LHFPL3: variants seen among roughly 807,000 people sequenced by gnomAD.
LHFPL3 encodes the protein LHFPL tetraspan subfamily member 3.
LHFPL3 carries 5 observed loss-of-function variants against 19.3 expected under a neutral mutation model. The ratio of observed to expected loss-of-function variants is 0.26; its 90% confidence interval spans 0.14 to 0.54. The LOEUF (loss-of-function observed/expected upper bound fraction) is 0.54, where lower values mean the gene tolerates loss of function less well. Ranked by LOEUF, LHFPL3 falls within the 20% of genes least tolerant of loss-of-function variation. The pLI is 0.94. For missense variants in LHFPL3, 249 were observed against 307.4 expected (o/e 0.81, Z 1.42); for synonymous variants, 133 against 126.2 (o/e 1.05, Z -0.36).
At chr7:104,602,351 T>C (rs1790988338) in intron 1 of LHFPL3, among the ~76,000 whole-genome samples, 1 of 152,140 alleles carries the variant, frequency 6.6e-6, no homozygotes, top group Non-Finnish European at 1.5e-5. Flanking sequence ...CAGTTTGTCT[T>C]TGTGAAGGAC....
chr7:104,751,612 C>A (rs959676182), intron 2 of LHFPL3, among the ~76,000 whole-genome samples: 1 of 151,182 alleles, frequency 6.6e-6, no homozygotes, highest in Non-Finnish European at 1.5e-5. Context: ...GTGAGAGAGA[C>A]GATTTTGCCA....
At chr7:104,549,965 T>C (rs1794637684) in intron 1 of LHFPL3, among the ~76,000 whole-genome samples, 1 of 152,128 alleles carries the variant, frequency 6.6e-6, no homozygotes, top group Non-Finnish European at 1.5e-5. Flanking sequence ...CAATAGGATG[T>C]GTGTACAGAG....
intron 1 of LHFPL3, among the ~76,000 whole-genome samples, chr7:104,466,764 A>T (rs1342288433): frequency 6.6e-6 from 1 of 152,244 alleles, no homozygotes; most frequent in Non-Finnish European, 1.5e-5. Flanking sequence ...CTGAAATTGA[A>T]ATCTTCTGGT....
At chr7:104,897,387 T>G (rs1792388434) in intron 2 of LHFPL3, among the ~76,000 whole-genome samples, 1 of 152,218 alleles carries the variant, frequency 6.6e-6, no homozygotes, top group African/African-American at 2.4e-5. Context: ...AGAGGAAGCA[T>G]ACATCATACT....
chr7:104,826,762 G>A (rs1315447661), intron 2 of LHFPL3: 1 of 158,726 alleles, frequency 6.3e-6, no homozygotes, highest in Non-Finnish European at 1.4e-5. Flanking sequence ...CTCAAACCCT[G>A]TGGTTTGAAT....
intron 1 of LHFPL3, among the ~76,000 whole-genome samples, chr7:104,384,206 G>A (rs903115866): frequency 6.6e-6 from 1 of 152,056 alleles, no homozygotes; most frequent in African/African-American, 2.4e-5. Context: ...GTTAGAAAAT[G>A]TTATTAATTC....
intron 1 of LHFPL3, among the ~76,000 whole-genome samples, chr7:104,471,222 T>C (rs761639683): frequency 1.3e-5 from 2 of 152,234 alleles, no homozygotes; most frequent in Non-Finnish European, 2.9e-5. Flanking sequence ...CTAGAAGTCA[T>C]GAATGATACT....
chr7:104,511,330 G>A (rs1793808941), intron 1 of LHFPL3, among the ~76,000 whole-genome samples: 1 of 152,162 alleles, frequency 6.6e-6, no homozygotes, highest in Non-Finnish European at 1.5e-5. Flanking sequence ...GCAAGCAGGT[G>A]GAGAAACTTA....
intron 1 of LHFPL3, among the ~76,000 whole-genome samples, chr7:104,419,288 A>C (rs1430497519): frequency 1.3e-5 from 2 of 152,252 alleles, no homozygotes; most frequent in African/African-American, 2.4e-5. Context: ...TGACAGGTTC[A>C]AAGCATTGCT....
At chr7:104,570,690 T>C (rs952470847) in intron 1 of LHFPL3, among the ~76,000 whole-genome samples, 1 of 152,220 alleles carries the variant, frequency 6.6e-6, no homozygotes, top group African/African-American at 2.4e-5. Flanking sequence ...TTTTCTTTTT[T>C]AACTTTTATT....
intron 1 of LHFPL3, among the ~76,000 whole-genome samples, chr7:104,673,130 G>A (rs1792518553): frequency 1.3e-5 from 2 of 152,120 alleles, no homozygotes; most frequent in Non-Finnish European, 2.9e-5. Context: ...CCTCCTTCAT[G>A]TAGGCTTTAT....
chr7:104,756,033 A>G (rs1314760684), intron 2 of LHFPL3, among the ~76,000 whole-genome samples: 18 of 152,158 alleles, frequency 1.2e-4, no homozygotes, highest in Admixed American at 1.2e-3. Flanking sequence ...AACTAAGGAT[A>G]AATAAGTCTT....
intron 2 of LHFPL3, among the ~76,000 whole-genome samples, chr7:104,893,562 C>A (rs1473956695): frequency 6.6e-6 from 1 of 151,926 alleles, no homozygotes; most frequent in Admixed American, 6.6e-5. Context: ...TAGAAGTAAC[C>A]AAGGTTACTC....
intron 1 of LHFPL3, among the ~76,000 whole-genome samples, chr7:104,479,273 G>C (rs1793083809): frequency 6.6e-6 from 1 of 152,082 alleles, no homozygotes; most frequent in Admixed American, 6.5e-5. Flanking sequence ...TTTTCATCAG[G>C]CATTTAACTC....
chr7:104,486,895 A>G (rs1459978740), intron 1 of LHFPL3, among the ~76,000 whole-genome samples: 2 of 151,184 alleles, frequency 1.3e-5, no homozygotes, highest in East Asian at 3.9e-4. Context: ...TGAATTTTCC[A>G]CTTTTCTTAT....
chr7:104,877,270 G>A (rs955256087), intron 2 of LHFPL3, among the ~76,000 whole-genome samples: 2 of 134,204 alleles, frequency 1.5e-5, no homozygotes, highest in African/African-American at 5.5e-5. Context: ...AGAACTTAAA[G>A]TATAATAAAA....
At chr7:104,724,415 G>C (rs1793551817) in intron 1 of LHFPL3, among the ~76,000 whole-genome samples, 1 of 152,296 alleles carries the variant, frequency 6.6e-6, no homozygotes, top group South Asian at 2.1e-4. Context: ...TAAAACTTCT[G>C]TTATGCAATG....
chr7:104,439,226 T>G (rs1239984787), intron 1 of LHFPL3, among the ~76,000 whole-genome samples: 1 of 152,178 alleles, frequency 6.6e-6, no homozygotes, highest in Non-Finnish European at 1.5e-5. Context: ...ATTACAGTTA[T>G]GAGCCACTGT....
intron 1 of LHFPL3, among the ~76,000 whole-genome samples, chr7:104,463,202 C>A (rs907574106): frequency 6.6e-6 from 1 of 152,254 alleles, no homozygotes; most frequent in African/African-American, 2.4e-5. Flanking sequence ...ATTCATTGAT[C>A]TCTTGAACAG....
Sources: gnomAD v4.1 joint callset for allele counts (sites outside exome capture counted in the v4.1 genomes callset) on GRCh38, gnomAD v4.1.1 for gene constraint, MANE v1.5 for transcripts, NCBI Gene and HGNC (gene_info 2026-07-23, HGNC 2026-07-21) for gene names.